CCDC13: variants seen among roughly 807,000 people sequenced by gnomAD.
CCDC13 encodes the protein coiled-coil domain containing 13.
In CCDC13, 70 loss-of-function variants were observed where a neutral mutation model predicts 87.3. The ratio of observed to expected loss-of-function variants is 0.80; its 90% confidence interval spans 0.66 to 0.98. The LOEUF is 0.98. CCDC13 is among the 50% of genes least tolerant of loss of function. The pLI, the probability that CCDC13 is intolerant of heterozygous loss-of-function variation, is 0.00. For missense variants in CCDC13, 842 were observed against 892.0 expected (o/e 0.94, Z 0.71); for synonymous variants, 317 against 360.3 (o/e 0.88, Z 1.36).
intron 1 of CCDC13, among the ~76,000 whole-genome samples, chr3:42,761,245 T>A (rs923252686): frequency 1.3e-5 from 2 of 152,206 alleles, no homozygotes; most frequent in African/African-American, 4.8e-5. Flanking sequence ...CCATTCCCAC[T>A]GATACCAGGC....
chr3:42,771,008 A>C (rs1239824046), intron 1 of CCDC13: 2 of 152,280 alleles, frequency 1.3e-5, no homozygotes, highest in South Asian at 2.1e-4. Context: ...CCAAGAACCC[A>C]CAATTCTGGA....
Position 42,735,933 on chromosome 3 carries a change from G to A in CCDC13, c.1165-20C>T. ...CTGGTCCTGGGGGGCCAGGCAGGAG[G>A]GCAGGTGGAGTCAGTCATGGCCCTT... On this transcript the variant is annotated intron_variant, in intron 9 of 15. Coordinates refer to ENST00000310232, the MANE Select transcript of CCDC13 (RefSeq NM_144719.4). 7 of 1,605,498 alleles carry A rather than the reference G, an allele frequency of 4.4e-6. No individual in the cohort carries two copies. Among genetic ancestry groups the A allele is most frequent in the South Asian group, 3.3e-5 (3 of 90,090 alleles).
intron 10 of CCDC13, among the ~76,000 whole-genome samples, chr3:42,734,924 T>C (rs888580693): frequency 6.6e-6 from 1 of 152,258 alleles, no homozygotes; most frequent in Admixed American, 6.5e-5. Context: ...CAAGCATTTA[T>C]TGAGCATCTA....
chr3:42,757,028 C>G, intron 3 of CCDC13, 38 bp downstream of exon 3: 1 of 1,599,118 alleles, frequency 6.3e-7, no homozygotes, highest in Non-Finnish European at 8.5e-7. Context: ...AGTCCCTGGA[C>G]TGCAGGGCAA....
chr3:42,746,012 C>A lies in CCDC13; in HGVS notation c.736G>T (p.Val246Phe), dbSNP rs936126286. ...RMAQKVLARE[V>F]GEDINVQQLL... ...TGCTGAACGTTGATGTCTTCCCCAA[C>A]CTCTCTGGCCAAAACCTGAAATAAG... Residue 246 changes from valine (V) to phenylalanine (F), a missense_variant, in exon 7 of 16, where the codon GTT (valine) becomes TTT (phenylalanine). By Grantham distance (50) the Val-to-Phe change is conservative. Coordinates refer to ENST00000310232, the MANE Select transcript of CCDC13 (RefSeq NM_144719.4). 6.2e-7 allele frequency: 1 copy of A among 1,614,146 alleles called. No individual in the cohort carries two copies.
chr3:42,750,162 C>T (rs1007433226), intron 5 of CCDC13, among the ~76,000 whole-genome samples: 1 of 152,194 alleles, frequency 6.6e-6, no homozygotes, highest in African/African-American at 2.4e-5. Context: ...GGTGACTTCA[C>T]CCCAGCTTTT....
intron 7 of CCDC13, chr3:42,744,993 T>C (rs1397840952): frequency 6.6e-6 from 1 of 151,968 alleles, no homozygotes; most frequent in East Asian, 1.9e-4. Flanking sequence ...AAGGTCAGAG[T>C]TGGCAGACCG....
At chr3:42,750,457 G>A (rs1262415913) in intron 5 of CCDC13, among the ~76,000 whole-genome samples, 1 of 152,084 alleles carries the variant, frequency 6.6e-6, no homozygotes, top group African/African-American at 2.4e-5. Context: ...TTTTTTGGTG[G>A]TTGTTGTAGT....
rs1156337488 is a variant in CCDC13 at position 42,733,601 on chromosome 3, C to G, written c.1380G>C (p.Arg460=). ...EIGQLNVHYL[R]NKGVGEGSSG... ...TGGACCCCTCACCCACTCCTTTATTCCGAAGATACTGTAGGAACAGATGTG... is the reference window on the plus strand; with the variant it reads ...TGGACCCCTCACCCACTCCTTTATTGCGAAGATACTGTAGGAACAGATGTG... Residue 460 remains arginine (R), a synonymous_variant, in exon 11 of 16, where the codon CGG becomes CGC. Transcript: ENST00000310232. 1.2e-6 allele frequency: 2 copies of G among 1,607,000 alleles called. No individual in the cohort carries two copies. Among genetic ancestry groups the G allele is most frequent in the Non-Finnish European group, 1.7e-6 (2 of 1,176,542 alleles).
intron 13 of CCDC13, chr3:42,719,595 C>A (rs1377985019): frequency 6.0e-5 from 9 of 150,880 alleles, no homozygotes; most frequent in Non-Finnish European, 1.3e-4. Context: ...AGGCTTAGGA[C>A]ACCCATAAGC....
rs772848305 is a variant in CCDC13, at chr3:42,732,930, G to C, written c.1552C>G (p.Leu518Val). 4.5e-6 allele frequency: 7 copies of C among 1,554,560 alleles called. No individual in the cohort carries two copies. In the East Asian group the frequency reaches 1.5e-4, roughly 32 times the overall value. Residue 518 changes from leucine to valine, a missense_variant, in exon 12 of 16, where the codon CTC (leucine) becomes GTC (valine). Transcript: ENST00000310232. ...GGACTGGGCAGGGAAGGCCTCGTGA[G>C]AGCAGATTCCACCAGTGTGTGGCCC... Reference protein sequence around the residue: ...SLGHTLVESALTRPSLPSPHR... With the variant: ...SLGHTLVESAVTRPSLPSPHR...
rs75377503 is a variant in CCDC13 at position 42,721,058 on chromosome 3, A to T, written c.1719-7742T>A. On this transcript the variant is annotated intron_variant, in intron 13 of 15. Transcript: ENST00000310232. ...TAGAAAGCATTGTCAAATATGAAAT[A>T]GTGTTTGGCTTTCGTCAGGCTATAT... Among the ~76,000 whole-genome samples the T allele has an allele frequency of 7.5e-4, 114 of 152,344 alleles. No individual in the cohort carries two copies. The East Asian group carries it at 0.016, about 22-fold the overall frequency.
chr3:42,752,610 G>A lies in CCDC13; in HGVS notation c.478C>T (p.Gln160Ter). The change falls in exon 4 of 16, where the codon CAG becomes TAG. Residue 160 changes from glutamine (Q) to a stop codon, truncating the protein, a stop_gained. Transcript: ENST00000310232. LOFTEE classifies it high-confidence loss of function. ...AGCTCCTGGATGCGATTGGTCAGCTGCTTCACCCTGGTTTTTGCACCCTCT... is the reference window on the plus strand; with the variant it reads ...AGCTCCTGGATGCGATTGGTCAGCTACTTCACCCTGGTTTTTGCACCCTCT... ...ESEGAKTRVKQLTNRIQELER... is the reference protein window; with the variant it reads ...ESEGAKTRVK 3 of 1,614,224 alleles carry A rather than the reference G, an allele frequency of 1.9e-6. No individual in the cohort carries two copies. Among genetic ancestry groups the A allele is most frequent in the Middle Eastern group, 1.7e-4 (1 of 6,060 alleles).
chr3:42,711,206 G>A (rs1019982831), intron 14 of CCDC13, among the ~76,000 whole-genome samples: 4 of 137,374 alleles, frequency 2.9e-5, no homozygotes, highest in Non-Finnish European at 4.5e-5. Context: ...AGATCGCACC[G>A]CTGCATTCCA....
Position 42,725,008 on chromosome 3 carries a change from C to G in CCDC13, c.1718+5459G>C, listed in dbSNP as rs954507647. On this transcript the variant is annotated intron_variant, in intron 13 of 15. Transcript: ENST00000310232. The stretch of plus-strand genomic sequence containing the variant: ...AAGTCAAATAAAAATATAAACAACT[C>G]TAAAACATGTGCAATGGCATGAATA... 4.6e-5 allele frequency among the ~76,000 whole-genome samples: 7 copies of G among 152,040 alleles called. 1 individual carries two copies. The highest frequency in any genetic ancestry group is 8.8e-5 in the Non-Finnish European group (6 of 67,974).
intron 1 of CCDC13, among the ~76,000 whole-genome samples, chr3:42,768,864 A>G (rs1699989531): frequency 6.6e-6 from 1 of 152,050 alleles, no homozygotes; most frequent in Admixed American, 6.6e-5. Context: ...AAGGCCGGGC[A>G]TGGTGGCTCA....
intron 5 of CCDC13, among the ~76,000 whole-genome samples, chr3:42,748,424 G>C (rs975727379): frequency 6.6e-6 from 1 of 152,246 alleles, no homozygotes; most frequent in South Asian, 2.1e-4. Context: ...CATCCCATCA[G>C]GCAATGACGC....
chr3:42,771,234 CTG>C (rs1700090480), intron 1 of CCDC13, among the ~76,000 whole-genome samples: 1 of 152,140 alleles, frequency 6.6e-6, no homozygotes, highest in Non-Finnish European at 1.5e-5. Flanking sequence ...TAATTGCAAA[CTG>C]TATAATATTC....
chr3:42,750,104 TAA>T (rs1328712456), intron 5 of CCDC13: 5 of 357,272 alleles, frequency 1.4e-5, no homozygotes, highest in African/African-American at 8.6e-5. Flanking sequence ...GGCCACAGAA[TAA>T]AGTCAAAACT....
Sources: allele counts gnomAD v4.1 joint callset (sites outside exome capture counted in the v4.1 genomes callset), GRCh38; gene constraint gnomAD v4.1.1; transcripts MANE v1.5; gene names NCBI Gene and HGNC (gene_info 2026-07-23, HGNC 2026-07-21).